The following OR1J2 variants were observed in gnomAD, a reference collection of about 807,000 sequenced individuals.
OR1J2 encodes olfactory receptor 1J2.
For synonymous variants in OR1J2, 142 were observed against 99.7 expected (o/e 1.42, Z -2.52); for missense variants, 304 against 246.1 (o/e 1.24, Z -1.57).
the OR1J2 span, among the ~76,000 whole-genome samples, chr9:122,543,856 A>G: frequency 6.6e-6 from 1 of 152,230 alleles, no homozygotes; most frequent in Non-Finnish European, 1.5e-5. Flanking sequence ...TATCCAAACC[A>G]GTTCTGCCCA....
At chr9:122,567,690 G>GA in the OR1J2 span, 2 of 1,614,104 alleles carry the variant, frequency 1.2e-6, no homozygotes, top group East Asian at 4.5e-5. Flanking sequence ...GGTGGATGGG[G>GA]GCTGTAAATA....
the OR1J2 span, among the ~76,000 whole-genome samples, chr9:122,463,457 T>C: frequency 6.6e-6 from 1 of 152,214 alleles, no homozygotes; most frequent in East Asian, 1.9e-4. Context: ...TTTGGATCCA[T>C]TGCTGGTGAG....
At chr9:122,469,406 A>G in the OR1J2 span, among the ~76,000 whole-genome samples, 1 of 152,040 alleles carries the variant, frequency 6.6e-6, no homozygotes, top group African/African-American at 2.4e-5. Context: ...TCTTGCCACC[A>G]CCATGTAAGA....
upstream of OR1J2, among the ~76,000 whole-genome samples, chr9:122,509,933 A>G (rs976851116): frequency 2.0e-5 from 3 of 152,166 alleles, no homozygotes; most frequent in Non-Finnish European, 2.9e-5. Context: ...ATGCATAATG[A>G]TAACTGTTCT....
the OR1J2 span, among the ~76,000 whole-genome samples, chr9:122,552,688 C>G: frequency 6.6e-6 from 1 of 150,812 alleles, no homozygotes; most frequent in Non-Finnish European, 1.5e-5. Flanking sequence ...CACTGAAAGG[C>G]AAGTGGGGAG....
the OR1J2 span, among the ~76,000 whole-genome samples, chr9:122,476,006 C>T: frequency 1.6e-4 from 25 of 152,096 alleles, no homozygotes; most frequent in Admixed American, 1.6e-3. Context: ...GTATTCTTCC[C>T]CTTTTAGAGC....
the OR1J2 span, among the ~76,000 whole-genome samples, chr9:122,574,227 T>C: frequency 1.3e-5 from 2 of 152,210 alleles, no homozygotes; most frequent in African/African-American, 2.4e-5. Context: ...AATTAGTTTT[T>C]TAATATCTGC....
At chr9:122,463,959 T>C in the OR1J2 span, among the ~76,000 whole-genome samples, 1 of 152,032 alleles carries the variant, frequency 6.6e-6, no homozygotes, top group Non-Finnish European at 1.5e-5. Flanking sequence ...CATCAGCACA[T>C]CAGTATAGGG....
the OR1J2 span, among the ~76,000 whole-genome samples, chr9:122,505,084 TA>T: frequency 6.6e-6 from 1 of 152,182 alleles, no homozygotes; most frequent in South Asian, 2.1e-4. Flanking sequence ...CTCCAAGTTA[TA>T]TAAAGTTGTG....
chr9:122,460,693 T>G, the OR1J2 span, among the ~76,000 whole-genome samples: 1 of 152,210 alleles, frequency 6.6e-6, no homozygotes, highest in African/African-American at 2.4e-5. Context: ...ATTTGTAGAT[T>G]GCTTTGGGCG....
chr9:122,554,971 C>G, the OR1J2 span, among the ~76,000 whole-genome samples: 1 of 152,018 alleles, frequency 6.6e-6, no homozygotes, highest in Non-Finnish European at 1.5e-5. Flanking sequence ...TAATTTGATG[C>G]AAAGCAATCT....
At chr9:122,473,390 A>G in the OR1J2 span, among the ~76,000 whole-genome samples, 1 of 152,118 alleles carries the variant, frequency 6.6e-6, no homozygotes, top group African/African-American at 2.4e-5. Flanking sequence ...CATCTCTCTA[A>G]AAGTATTCCT....
At chr9:122,510,421 G>C (rs1828609462), upstream of OR1J2, among the ~76,000 whole-genome samples, 1 of 151,928 alleles carries the variant, frequency 6.6e-6, no homozygotes, top group African/African-American at 2.4e-5. Flanking sequence ...CTTTTTTCTA[G>C]TTTTCTTACA....
At chr9:122,504,828 G>T in the OR1J2 span, among the ~76,000 whole-genome samples, 4 of 152,052 alleles carry the variant, frequency 2.6e-5, no homozygotes, top group Non-Finnish European at 5.9e-5. Context: ...CCTGCATCCT[G>T]TATCTGACTG....
upstream of OR1J2, among the ~76,000 whole-genome samples, chr9:122,505,810 T>C (rs981159924): frequency 2.6e-5 from 4 of 152,178 alleles, no homozygotes; most frequent in Admixed American, 2.6e-4. Flanking sequence ...TCAACTTGTT[T>C]TTTTTTTCTA....
chr9:122,535,377 C>T, the OR1J2 span, among the ~76,000 whole-genome samples: 2 of 152,160 alleles, frequency 1.3e-5, no homozygotes, highest in East Asian at 3.9e-4. Context: ...AGAGGTGTCC[C>T]TGCAATGATT....
chr9:122,469,467 A>G, the OR1J2 span, among the ~76,000 whole-genome samples: 3 of 152,206 alleles, frequency 2.0e-5, no homozygotes, highest in Admixed American at 2.0e-4. Flanking sequence ...GTCATGGGGA[A>G]CTGTAAGTGT....
chr9:122,465,768 C>A, the OR1J2 span, among the ~76,000 whole-genome samples: 1 of 152,190 alleles, frequency 6.6e-6, no homozygotes, highest in East Asian at 1.9e-4. Context: ...AGACTTGTTC[C>A]TCGTTGGAGG....
At chr9:122,535,231 G>A in the OR1J2 span, among the ~76,000 whole-genome samples, 1 of 152,038 alleles carries the variant, frequency 6.6e-6, no homozygotes, top group South Asian at 2.1e-4. Context: ...ATGGAAATAA[G>A]GGATCGGGGT....
Sources: allele counts gnomAD v4.1 joint callset (sites outside exome capture counted in the v4.1 genomes callset), GRCh38; gene constraint gnomAD v4.1.1; transcripts MANE v1.5; gene names NCBI Gene and HGNC (gene_info 2026-07-23, HGNC 2026-07-21).